SIGLEC9: variants seen among roughly 807,000 people sequenced by gnomAD.
SIGLEC9 encodes sialic acid-binding Ig-like lectin 9.
In SIGLEC9, 26 loss-of-function variants were observed where a neutral mutation model predicts 38.3. That is an observed-to-expected ratio of 0.68 (90% CI 0.50 to 0.94). The LOEUF (loss-of-function observed/expected upper bound fraction) is 0.94. Among genes scored for constraint, SIGLEC9 ranks in the 40% least tolerant of loss-of-function variants. SIGLEC9 has a pLI of 0.00. For synonymous variants in SIGLEC9, 236 were observed against 248.0 expected (o/e 0.95, Z 0.45); for missense variants, 556 against 585.7 (o/e 0.95, Z 0.52).
rs2122838140 is a variant in SIGLEC9 at position 51,125,633 on chromosome 19, C to T, written c.458C>T (p.Thr153Ile). 4 of 1,612,858 alleles carry T rather than the reference C, an allele frequency of 2.5e-6. No individual in the cohort carries two copies. Among genetic ancestry groups the T allele is most frequent in the Non-Finnish European group, 3.4e-6 (4 of 1,179,976 alleles). The change falls in exon 2 of 7, where the codon ACC (threonine) becomes ATC (isoleucine). Residue 153 changes from threonine (T) to isoleucine (I), a missense_variant. Physicochemically the swap from Thr to Ile is moderately conservative, Grantham distance 89. Transcript: ENST00000250360. The stretch of plus-strand genomic sequence containing the variant: ...AGGCCCAACATCCTCATCCCAGGCA[C>T]CCTGGAGTCCGGCTGCCCCCAGAAT... ...THRPNILIPG[T>I]LESGCPQNLT... is the part of the protein sequence containing the mutation.
At position 51,127,070 on chromosome 19, in the gene SIGLEC9, A is replaced by G. The variant is rs2091983162; in HGVS notation, c.789A>G (p.Pro263=). The G allele has an allele frequency of 6.2e-7, 1 of 1,614,174 alleles. No homozygotes were observed. The highest frequency in any genetic ancestry group is 1.3e-5 in the African/African-American group (1 of 75,046). ...VLGNGSSLSL[P]EGQSLRLVCA... is the part of the protein sequence containing the mutation. ...GAAATGGCTCATCTCTGTCACTCCCAGAGGGCCAGTCTCTGCGCCTGGTCT... is the reference window on the plus strand; with the variant it reads ...GAAATGGCTCATCTCTGTCACTCCCGGAGGGCCAGTCTCTGCGCCTGGTCT... The change falls in exon 4 of 7, where the codon CCA becomes CCG. Residue 263 remains proline (P), a synonymous_variant. Coordinates refer to ENST00000250360, the MANE Select transcript of SIGLEC9 (RefSeq NM_014441.3).
chr19:51,130,107 G>A lies in SIGLEC9; in HGVS notation c.*28G>A. The A allele has an allele frequency of 1.3e-6, 2 of 1,580,496 alleles. No individual in the cohort carries two copies. The highest frequency in any genetic ancestry group is 1.7e-6 in the Non-Finnish European group (2 of 1,161,538). On this transcript the variant is annotated 3_prime_UTR_variant, in exon 7 of 7. Coordinates refer to ENST00000250360, the MANE Select transcript of SIGLEC9 (RefSeq NM_014441.3). Reference sequence around the variant, plus strand: ...AACTGCAGAGACTCACCCTGATTGAGGGATCACAGCCCCTCCAGGCAAGGG... The same window carrying A: ...AACTGCAGAGACTCACCCTGATTGAAGGATCACAGCCCCTCCAGGCAAGGG...
At chr19:51,132,603 G>GCGGACGGATTCTGGGGCGGC (rs2092022271), downstream of SIGLEC9, among the ~76,000 whole-genome samples, 1 of 152,162 alleles carries the variant, frequency 6.6e-6, no homozygotes, top group Non-Finnish European at 1.5e-5. Flanking sequence ...GAAACACTTG[G>GCGGACGGATTCTGGGGCGGC]CGGACGGATT....
chr19:51,123,224 C>G (rs1198190988), upstream of SIGLEC9, among the ~76,000 whole-genome samples: 1 of 152,172 alleles, frequency 6.6e-6, no homozygotes, highest in Non-Finnish European at 1.5e-5. Flanking sequence ...CAGGCCTGCT[C>G]TTTTCTAGGG....
At chr19:51,124,507 CT>C (rs1033825706), upstream of SIGLEC9, among the ~76,000 whole-genome samples, 10 of 151,590 alleles carry the variant, frequency 6.6e-5, no homozygotes, top group African/African-American at 2.4e-4. Flanking sequence ...CTCGTGCTTG[CT>C]TGGGGGGGAT....
upstream of SIGLEC9, among the ~76,000 whole-genome samples, chr19:51,122,195 G>A (rs928644586): frequency 3.9e-5 from 6 of 152,162 alleles, no homozygotes; most frequent in Admixed American, 1.3e-4. This position sits in a 1 kb window ranked among gnomAD's most constrained non-coding sequence, Gnocchi z 4.1. Context: ...TCTGTCTTGC[G>A]TCAATATGAC....
Position 51,125,786 on chromosome 19 carries a change from C to T in SIGLEC9, c.611C>T (p.Pro204Leu), listed in dbSNP as rs1364450652. ...TCGGTGCTCACCCTCATCCCACAGC[C>T]CCAGGACCATGGCACCAGCCTCACC... The part of the protein sequence containing the change: ...RSSVLTLIPQ[P>L]QDHGTSLTCQ... The change falls in exon 2 of 7, where the codon CCC becomes CTC. Residue 204 changes from proline to leucine, a missense_variant. Physicochemically the swap from Pro to Leu is moderately conservative, Grantham distance 98 (BLOSUM62 -3). Transcript: ENST00000250360. 1 of 1,614,174 alleles carries T rather than the reference C, an allele frequency of 6.2e-7. No homozygotes were observed. The highest frequency in any genetic ancestry group is 1.7e-5 in the Admixed American group (1 of 60,022).
chr19:51,125,453 G>A (rs2091971243), intron 1 of SIGLEC9, 58 bp downstream of exon 1: 1 of 1,551,526 alleles, frequency 6.4e-7, no homozygotes, highest in African/African-American at 1.4e-5. Context: ...GGCAGGGAAA[G>A]GCTGGGATGG....
chr19:51,128,502 GCC>G lies in SIGLEC9; in HGVS notation c.1196_1197del (p.Ala399ValfsTer7). ...GGATGCAAACGCTGTCAGGGGTTCA[GCC>G]TCTCAGGTGAGTGATGTGGACTCTC... The part of the protein sequence containing the change: ...IEDANAVRGS[A>X]SQGPLTEPWA... On this transcript the variant is annotated frameshift_variant, in exon 6 of 7. Transcript: ENST00000250360. LOFTEE classifies it low-confidence loss of function (END_TRUNC). 2.5e-6 allele frequency: 4 copies of G among 1,613,892 alleles called. No homozygotes were observed. The highest frequency in any genetic ancestry group is 3.4e-6 in the Non-Finnish European group (4 of 1,179,840).
chr19:51,128,766 C>G, intron 6 of SIGLEC9: 1 of 432,996 alleles, frequency 2.3e-6, no homozygotes, highest in South Asian at 2.5e-5. Flanking sequence ...GTCTGCCTGT[C>G]TCCTCTCCTT....
chr19:51,126,085 G>T lies in SIGLEC9; in HGVS notation c.705G>T (p.Pro235=), dbSNP rs146162797. ...NKTVHLNVSY[P]PQNLTMTVFQ... Reference sequence around the variant, plus strand: ...CTCCATGTCTTTCTGTCCCAGACCCGCCTCAGAACTTGACCATGACTGTCT... The same window carrying T: ...CTCCATGTCTTTCTGTCCCAGACCCTCCTCAGAACTTGACCATGACTGTCT... Residue 235 remains proline (P), a synonymous_variant, in exon 3 of 7, where the codon CCG becomes CCT. Transcript: ENST00000250360. 2.5e-6 allele frequency: 4 copies of T among 1,613,884 alleles called. No individual in the cohort carries two copies. The South Asian group carries it at 3.3e-5, about 13-fold the overall frequency.
rs1323845049 is a variant in SIGLEC9 at position 51,124,963 on chromosome 19, C to T, written c.-12C>T. 2 of 1,593,948 alleles carry T rather than the reference C, an allele frequency of 1.3e-6. No homozygotes were observed. The highest frequency in any genetic ancestry group is 1.7e-5 in the Admixed American group (1 of 59,084). ...ACGTTCCCTCGCGGCCCTGGCACCT[C>T]TAACCCCAGACATGCTGCTGCTGCT... On this transcript the variant is annotated 5_prime_UTR_variant, in exon 1 of 7. Coordinates refer to ENST00000250360, the MANE Select transcript of SIGLEC9 (RefSeq NM_014441.3).
At chr19:51,120,958 G>A (rs2091949108), upstream of SIGLEC9, among the ~76,000 whole-genome samples, 1 of 150,802 alleles carries the variant, frequency 6.6e-6, no homozygotes, top group African/African-American at 2.4e-5. This position sits in a 1 kb window ranked among gnomAD's most constrained non-coding sequence, Gnocchi z 4.1. Context: ...CGATCCTCCT[G>A]CCTCAGCCTC....
chr19:51,124,367 C>G (rs1042064344), upstream of SIGLEC9, among the ~76,000 whole-genome samples: 2 of 152,170 alleles, frequency 1.3e-5, no homozygotes, highest in African/African-American at 2.4e-5. Context: ...CTGTGCCCCC[C>G]AACTGAAGCT....
chr19:51,134,079 T>C (rs1366103912), downstream of SIGLEC9, among the ~76,000 whole-genome samples: 1 of 151,534 alleles, frequency 6.6e-6, no homozygotes, highest in Non-Finnish European at 1.5e-5. Flanking sequence ...GGAGTGGGAT[T>C]TGGGGATTAA....
intron 3 of SIGLEC9, 139 bp downstream of exon 3, chr19:51,126,267 A>T: frequency 1.2e-6 from 1 of 801,870 alleles, no homozygotes. Context: ...CTGTATCCTT[A>T]GGCCCCAAGG....
At chr19:51,126,935 T>G (rs2091982303) in intron 3 of SIGLEC9, 95 bp from the exon 4 acceptor site, 1 of 1,109,828 alleles carries the variant, frequency 9.0e-7, no homozygotes, top group Non-Finnish European at 1.3e-6. Context: ...TCAGTCTATG[T>G]CTGTGTGTCA....
At chr19:51,122,435 A>T, upstream of SIGLEC9, among the ~76,000 whole-genome samples, 1 of 151,782 alleles carries the variant, frequency 6.6e-6, no homozygotes, top group Non-Finnish European at 1.5e-5. This position sits in a 1 kb window ranked among gnomAD's most constrained non-coding sequence, Gnocchi z 4.1. Flanking sequence ...ACAAAAATTA[A>T]CCTGGCGTGG....
Position 51,125,368 on chromosome 19 carries a change from C to T in SIGLEC9, c.394C>T (p.His132Tyr), listed in dbSNP as rs368051467. The T allele has an allele frequency of 1.3e-5, 21 of 1,593,400 alleles. No homozygotes were observed. Among genetic ancestry groups the T allele is most frequent in the Middle Eastern group, 3.4e-4 (2 of 5,946 alleles). ...EKGSIKWNYK[H>Y]HRLSVNVTAL... ...AGGAAGTATAAAATGGAATTATAAA[C>T]ATCACCGGCTCTCTGTGAATGTGAC... is the stretch of plus-strand genomic sequence containing the variant. Residue 132 changes from histidine to tyrosine, a missense_variant, in exon 1 of 7, where the codon CAT becomes TAT. His to Tyr is a moderately conservative substitution (Grantham distance 83, BLOSUM62 2). Coordinates refer to ENST00000250360, the MANE Select transcript of SIGLEC9 (RefSeq NM_014441.3).
Sources: allele counts gnomAD v4.1 joint callset (sites outside exome capture counted in the v4.1 genomes callset), GRCh38; gene constraint gnomAD v4.1.1; non-coding constraint Gnocchi (gnomAD v3.1); transcripts MANE v1.5; gene names NCBI Gene and HGNC (gene_info 2026-07-23, HGNC 2026-07-21).